Variants in NEGR1 observed in about 807,000 individuals in gnomAD.
NEGR1 encodes neuronal growth regulator 1.
A neutral mutation model predicts 40.9 loss-of-function variants in NEGR1; 10 were observed. That is an observed-to-expected ratio of 0.24 (90% confidence interval 0.15 to 0.42). The LOEUF is 0.42. Ranked by LOEUF, NEGR1 falls within the 10% of genes least tolerant of loss-of-function variation. The probability of loss-of-function intolerance (pLI) is 1.00; values close to 1 mark genes in which losing one functional copy is unlikely to be tolerated. For missense variants in NEGR1, 352 were observed against 438.9 expected, an observed-to-expected ratio of 0.80 and a Z score of 1.77; for synonymous variants, 185 against 166.8, an observed-to-expected ratio of 1.11 and a Z score of -0.84.
intron 2 of NEGR1, among the ~76,000 whole-genome samples, chr1:71,866,598 T>A (rs1190356881): frequency 6.6e-6 from 1 of 152,198 alleles, no homozygotes; most frequent in Non-Finnish European, 1.5e-5. Context: ...AGCAAAAATT[T>A]TTCCCAATAT....
At chr1:71,801,152 G>T (rs1033465846) in intron 2 of NEGR1, among the ~76,000 whole-genome samples, 1 of 152,070 alleles carries the variant, frequency 6.6e-6, no homozygotes, top group Non-Finnish European at 1.5e-5. Flanking sequence ...CATTTTCTCT[G>T]CTTTTCTGGA....
rs1646240957 is a variant in NEGR1, at chr1:71,400,656, T to G, written c.*6790A>C. ...TTAGATAGATAGGTTACTTGGGTTT[T>G]TTTTTTTTTGGGTCATTAAAGTAGG... On this transcript the variant is annotated 3_prime_UTR_variant, in exon 7 of 7. Transcript: ENST00000357731. 1 of 152,104 alleles carries G rather than the reference T, an allele frequency of 6.6e-6. No homozygotes were observed. Among genetic ancestry groups the G allele is most frequent in the Admixed American group, 6.6e-5 (1 of 15,266 alleles). The allele number at this position is 152,104 out of a possible 1,614,324, so 9.4% of individuals were successfully genotyped here. A position where few individuals can be genotyped will look rare whatever the true frequency, so the allele number is the denominator to read the frequency against.
intron 1 of NEGR1, among the ~76,000 whole-genome samples, chr1:71,973,060 T>C (rs777837800): frequency 1.3e-5 from 2 of 152,108 alleles, no homozygotes; most frequent in Non-Finnish European, 2.9e-5. Context: ...TCTCTCAAAT[T>C]ATAGTAAAAT....
intron 2 of NEGR1, among the ~76,000 whole-genome samples, chr1:71,880,403 C>A (rs1029696660): frequency 6.6e-6 from 1 of 151,666 alleles, no homozygotes; most frequent in Admixed American, 6.6e-5. Flanking sequence ...TTTTGATGCC[C>A]CCAATTACTT....
intron 1 of NEGR1, among the ~76,000 whole-genome samples, chr1:71,945,237 A>G (rs1646007071): frequency 1.3e-5 from 2 of 152,110 alleles, no homozygotes; most frequent in Admixed American, 6.6e-5. Context: ...TAGTAAAAGT[A>G]CTTACTTGAC....
chr1:72,187,211 C>A (rs1006621504), intron 1 of NEGR1, among the ~76,000 whole-genome samples: 6 of 151,284 alleles, frequency 4.0e-5, no homozygotes, highest in Non-Finnish European at 8.9e-5. Flanking sequence ...GTTGATATTT[C>A]TTCCCTCTAT....
chr1:71,531,991 C>T (rs1211309282), intron 6 of NEGR1, among the ~76,000 whole-genome samples: 1 of 151,208 alleles, frequency 6.6e-6, no homozygotes, highest in East Asian at 2.0e-4. Context: ...AGTGCCATTT[C>T]TGGAATGAGA....
chr1:71,991,372 A>G (rs916300939), intron 1 of NEGR1, among the ~76,000 whole-genome samples: 2 of 152,052 alleles, frequency 1.3e-5, no homozygotes, highest in African/African-American at 4.8e-5. Flanking sequence ...CTCCCCTTTC[A>G]ACCACTACTC....
rs553967236 is a variant in NEGR1, at chr1:71,626,377, A to G, written c.668-15231T>C. ...CCCTCCCCCCTCCCCCGACCCCACAACAGGCCCCGGTGTGTGATGTTCCCC... is the reference window on the plus strand; with the variant it reads ...CCCTCCCCCCTCCCCCGACCCCACAGCAGGCCCCGGTGTGTGATGTTCCCC... On this transcript the variant is annotated intron_variant, in intron 4 of 6. Coordinates refer to ENST00000357731, the MANE Select transcript of NEGR1 (RefSeq NM_173808.3). 1.2e-3 allele frequency among the ~76,000 whole-genome samples: 155 copies of G among 125,500 alleles called. 1 individual carries two copies. The highest frequency in any genetic ancestry group is 1.9e-3 in the Non-Finnish European group (111 of 59,902). The allele number at this position is 125,500 out of a possible 152,430, so 82.3% of individuals were successfully genotyped here.
intron 5 of NEGR1, among the ~76,000 whole-genome samples, chr1:71,594,281 G>A (rs1409611029): frequency 6.6e-6 from 1 of 151,980 alleles, no homozygotes; most frequent in Non-Finnish European, 1.5e-5. Context: ...AGTCCAAATG[G>A]CATAGTAGTT....
chr1:72,178,259 T>C (rs1174703397), intron 1 of NEGR1, among the ~76,000 whole-genome samples: 11 of 152,022 alleles, frequency 7.2e-5, no homozygotes, highest in Admixed American at 2.6e-4. Context: ...AAATCATATA[T>C]GTTGAATTTG....
chr1:71,653,426 T>C (rs1489642133), intron 4 of NEGR1, among the ~76,000 whole-genome samples: 8 of 152,224 alleles, frequency 5.3e-5, no homozygotes, highest in Non-Finnish European at 1.0e-4. Context: ...TCAGAAATTC[T>C]TAGCCAACTC....
intron 3 of NEGR1, among the ~76,000 whole-genome samples, chr1:71,705,759 A>G (rs1327982769): frequency 6.6e-6 from 1 of 151,852 alleles, no homozygotes; most frequent in Non-Finnish European, 1.5e-5. Flanking sequence ...AGAAAATAAA[A>G]GAAGAGAAAA....
At chr1:71,927,878 G>C (rs999645304) in intron 2 of NEGR1, among the ~76,000 whole-genome samples, 2 of 131,688 alleles carry the variant, frequency 1.5e-5, no homozygotes, top group African/African-American at 5.7e-5. Flanking sequence ...TGCACCTGTA[G>C]TCCCAGTTAC....
intron 1 of NEGR1, among the ~76,000 whole-genome samples, chr1:72,225,705 T>C (rs1310213398): frequency 1.3e-5 from 2 of 151,574 alleles, no homozygotes; most frequent in African/African-American, 4.8e-5. Flanking sequence ...GAACTAAATT[T>C]TAATAGATAA....
intron 2 of NEGR1, among the ~76,000 whole-genome samples, chr1:71,903,900 G>A (rs749651764): frequency 4.0e-5 from 6 of 151,758 alleles, no homozygotes; most frequent in Non-Finnish European, 8.9e-5. Context: ...GCTATTACTT[G>A]ACTTTAACGT....
At chr1:71,597,472 C>CTGTGTGTGTG (rs1553152644) in intron 5 of NEGR1, among the ~76,000 whole-genome samples, 422 of 31,322 alleles carry the variant, frequency 0.013, 14 homozygotes, top group Admixed American at 0.038. Context: ...CTCTCTCTCT[C>CTGTGTGTGTG]TGTGTGTGTG....
At position 71,770,024 on chromosome 1, in the gene NEGR1, C is replaced by A. The variant is rs559172008; in HGVS notation, c.535+6148G>T. Among the ~76,000 whole-genome samples, 12 of 152,254 alleles carry A rather than the reference C, an allele frequency of 7.9e-5. No homozygotes were observed. The East Asian group carries it at 2.3e-3, about 29-fold the overall frequency. On this transcript the variant is annotated intron_variant, in intron 3 of 6. Transcript: ENST00000357731. ...TCTGGATCTCAAACTCGACTGAAAT[C>A]AAAATGCATTATCTTAATCACTAGG...
chr1:71,512,905 TAAATA>T (rs1464268877), intron 6 of NEGR1, among the ~76,000 whole-genome samples: 1 of 152,178 alleles, frequency 6.6e-6, no homozygotes, highest in East Asian at 1.9e-4. Flanking sequence ...TTAAAATGTG[TAAATA>T]AAATAAGCTA....
Sources: allele counts gnomAD v4.1 joint callset (sites outside exome capture counted in the v4.1 genomes callset), GRCh38; gene constraint gnomAD v4.1.1; transcripts MANE v1.5; gene names NCBI Gene and HGNC (gene_info 2026-07-23, HGNC 2026-07-21).